Variants in MDGA2 observed in about 807,000 individuals in gnomAD.
MDGA2 encodes the protein MAM domain containing glycosylphosphatidylinositol anchor 2.
Under a neutral mutation model 117.8 loss-of-function variants are expected in MDGA2, and 40 were observed. The ratio of observed to expected loss-of-function variants is 0.34; its 90% CI spans 0.26 to 0.44. The LOEUF (loss-of-function observed/expected upper bound fraction) is 0.44, where lower values mean the gene tolerates loss of function less well. Among genes scored for constraint, MDGA2 ranks in the 20% least tolerant of loss-of-function variants. The probability of loss-of-function intolerance (pLI) is 1.00; values close to 1 mark genes in which losing one functional copy is unlikely to be tolerated. For synonymous variants in MDGA2, 452 were observed against 439.0 expected, an observed-to-expected ratio of 1.03 and a Z score of -0.37; for missense variants, 1,123 against 1,250.6, an observed-to-expected ratio of 0.90 and a Z score of 1.54.
At chr14:47,346,569 C>T (rs899647964) in intron 1 of MDGA2, among the ~76,000 whole-genome samples, 60 of 152,244 alleles carry the variant, frequency 3.9e-4, no homozygotes, top group African/African-American at 1.3e-3. Context: ...AACAATAGTC[C>T]TTCCTACTCA....
chr14:47,562,974 T>G (rs752515970), intron 1 of MDGA2, among the ~76,000 whole-genome samples: 1 of 152,212 alleles, frequency 6.6e-6, no homozygotes, highest in Admixed American at 6.5e-5. Flanking sequence ...GATCTCTGCC[T>G]TAATCTCATT....
chr14:47,230,214 T>C (rs1240422547), intron 2 of MDGA2, among the ~76,000 whole-genome samples: 1 of 151,960 alleles, frequency 6.6e-6, no homozygotes, highest in Non-Finnish European at 1.5e-5. Context: ...CATATTTACA[T>C]CTATTCATAA....
Position 47,405,221 on chromosome 14 carries a change from A to G in MDGA2, c.281-103671T>C, listed in dbSNP as rs1316530523. Among the ~76,000 whole-genome samples, 3 of 152,206 alleles carry G rather than the reference A, an allele frequency of 2.0e-5. No homozygotes were observed. The East Asian group carries it at 5.8e-4, about 29-fold the overall frequency. ...AAAATCCTTTTTAAATCAAGAAACT[A>G]TAATGTGCCCTTCATCTTACAGTTC... On this transcript the variant is annotated intron_variant, in intron 1 of 16. Coordinates refer to ENST00000399232, the MANE Select transcript of MDGA2 (RefSeq NM_001113498.3).
chr14:47,100,709 A>T (rs1235040253), intron 5 of MDGA2, among the ~76,000 whole-genome samples: 1 of 152,176 alleles, frequency 6.6e-6, no homozygotes, highest in Non-Finnish European at 1.5e-5. Context: ...CAAAATGAAA[A>T]ATGAAAAAGG....
At chr14:47,510,915 G>GT (rs1290356003) in intron 1 of MDGA2, among the ~76,000 whole-genome samples, 1 of 146,920 alleles carries the variant, frequency 6.8e-6, no homozygotes, top group Non-Finnish European at 1.5e-5. Flanking sequence ...CAGCTCAAAT[G>GT]TTTTTTCTTT....
At chr14:47,163,038 C>T (rs1347529966) in intron 3 of MDGA2, among the ~76,000 whole-genome samples, 1 of 152,284 alleles carries the variant, frequency 6.6e-6, no homozygotes, top group East Asian at 1.9e-4. Flanking sequence ...TTTTTACTAA[C>T]TTCTGCTTCT....
chr14:47,271,386 G>GT (rs1422031576), intron 2 of MDGA2, among the ~76,000 whole-genome samples: 1 of 152,262 alleles, frequency 6.6e-6, no homozygotes, highest in East Asian at 1.9e-4. Flanking sequence ...GTTTGCATGT[G>GT]TTTTTTCTTT....
intron 3 of MDGA2, among the ~76,000 whole-genome samples, chr14:47,148,991 T>C (rs1455525864): frequency 6.6e-6 from 1 of 152,164 alleles, no homozygotes; most frequent in Non-Finnish European, 1.5e-5. Flanking sequence ...AAGCCATTCA[T>C]TAAGATAAAT....
intron 1 of MDGA2, among the ~76,000 whole-genome samples, chr14:47,621,675 C>G (rs891370916): frequency 6.6e-6 from 1 of 152,148 alleles, no homozygotes; most frequent in Non-Finnish European, 1.5e-5. Flanking sequence ...CCACTTCTTT[C>G]TTTTCCTTCT....
At chr14:47,323,388 G>T (rs1386566988) in intron 1 of MDGA2, among the ~76,000 whole-genome samples, 1 of 151,830 alleles carries the variant, frequency 6.6e-6, no homozygotes, top group African/African-American at 2.4e-5. Context: ...CATACTGGGA[G>T]GCCGAGGCAG....
At chr14:47,112,100 C>T (rs751393954) in intron 5 of MDGA2, among the ~76,000 whole-genome samples, 5 of 150,500 alleles carry the variant, frequency 3.3e-5, no homozygotes, top group Non-Finnish European at 7.4e-5. Context: ...ACCTGGAATG[C>T]AGAACAATGG....
At chr14:46,980,978 C>T (rs1886647559) in intron 8 of MDGA2, among the ~76,000 whole-genome samples, 1 of 152,122 alleles carries the variant, frequency 6.6e-6, no homozygotes, top group East Asian at 1.9e-4. Flanking sequence ...TGAGGAATAC[C>T]TGTGTTTCAA....
chr14:47,286,845 A>ATGTG (rs1888704655), intron 2 of MDGA2, among the ~76,000 whole-genome samples: 1 of 133,258 alleles, frequency 7.5e-6, no homozygotes, highest in African/African-American at 2.6e-5. Context: ...ATGTATATAT[A>ATGTG]TATATACTTT....
intron 1 of MDGA2, among the ~76,000 whole-genome samples, chr14:47,393,951 G>A (rs1196167620): frequency 6.6e-6 from 1 of 152,064 alleles, no homozygotes; most frequent in Non-Finnish European, 1.5e-5. Flanking sequence ...CTGGAAGTTT[G>A]GGTTGGACAG....
chr14:47,018,007 A>AC (rs756694487), intron 8 of MDGA2, among the ~76,000 whole-genome samples: 1 of 152,102 alleles, frequency 6.6e-6, no homozygotes, highest in Non-Finnish European at 1.5e-5. Context: ...AGTCCTTCCT[A>AC]CAGACACAAG....
At chr14:47,165,491 A>G (rs936486900) in intron 3 of MDGA2, among the ~76,000 whole-genome samples, 2 of 152,148 alleles carry the variant, frequency 1.3e-5, no homozygotes, top group Admixed American at 6.5e-5. Context: ...GCCATAGGGT[A>G]TAACTCCTTC....
At chr14:47,650,776 AAAAC>A (rs1897626019) in intron 1 of MDGA2, among the ~76,000 whole-genome samples, 1 of 152,220 alleles carries the variant, frequency 6.6e-6, no homozygotes, top group Admixed American at 6.5e-5. Flanking sequence ...AATGCACAAA[AAAAC>A]AATGTGGAAT....
intron 3 of MDGA2, among the ~76,000 whole-genome samples, chr14:47,212,715 T>A (rs952705728): frequency 2.6e-5 from 4 of 152,210 alleles, no homozygotes; most frequent in African/African-American, 9.6e-5. Flanking sequence ...TTAAATCAAG[T>A]GTTGCTATTA....
intron 1 of MDGA2, among the ~76,000 whole-genome samples, chr14:47,554,803 A>C (rs1566512493): frequency 6.6e-6 from 1 of 150,974 alleles, no homozygotes; most frequent in East Asian, 1.9e-4. Context: ...TTTAGCAATC[A>C]CTTCCTTCAA....
Sources: allele counts gnomAD v4.1 joint callset (sites outside exome capture counted in the v4.1 genomes callset), GRCh38; gene constraint gnomAD v4.1.1; transcripts MANE v1.5; gene names NCBI Gene and HGNC (gene_info 2026-07-23, HGNC 2026-07-21).